The following GABRG3 variants were observed in gnomAD, a reference collection of about 807,000 sequenced individuals.
The protein encoded by GABRG3 is gamma-aminobutyric acid receptor subunit gamma-3.
GABRG3 carries 25 observed loss-of-function variants against 48.8 expected under a neutral mutation model. The observed-to-expected ratio is 0.51, with a 90% CI of 0.37 to 0.72. The LOEUF is 0.72. GABRG3 is among the 30% of genes least tolerant of loss of function. GABRG3 has a pLI of 0.00. For missense variants in GABRG3, 394 were observed against 577.9 expected (o/e 0.68, Z 3.26); for synonymous variants, 227 against 217.6 (o/e 1.04, Z -0.38).
chr15:27,087,824 TGTG>T (rs1313310389), intron 3 of GABRG3, among the ~76,000 whole-genome samples: 1 of 151,506 alleles, frequency 6.6e-6, no homozygotes, highest in Admixed American at 6.6e-5. Context: ...TGTGATTATG[TGTG>T]GTGTGTGTGC....
chr15:27,467,653 AT>A (rs1479644696), intron 5 of GABRG3, among the ~76,000 whole-genome samples: 1 of 152,164 alleles, frequency 6.6e-6, no homozygotes, highest in Non-Finnish European at 1.5e-5. Context: ...CTTTAGTTCT[AT>A]TTTTTATGGA....
intron 3 of GABRG3, among the ~76,000 whole-genome samples, chr15:27,040,827 A>G (rs1487027168): frequency 6.6e-6 from 1 of 152,224 alleles, no homozygotes; most frequent in African/African-American, 2.4e-5. Flanking sequence ...AAGCATTGGA[A>G]AGGAATTTAC....
At chr15:27,206,190 A>G (rs1850937779) in intron 3 of GABRG3, among the ~76,000 whole-genome samples, 1 of 152,180 alleles carries the variant, frequency 6.6e-6, no homozygotes, top group African/African-American at 2.4e-5. Flanking sequence ...GTGCACATTT[A>G]GCACTATAAA....
intron 5 of GABRG3, among the ~76,000 whole-genome samples, chr15:27,347,251 T>C (rs1894405438): frequency 6.6e-6 from 1 of 152,232 alleles, no homozygotes; most frequent in Admixed American, 6.5e-5. Flanking sequence ...TCCCCTTTAC[T>C]ATCCTGGAGC....
chr15:27,103,524 A>G (rs1048585226), intron 3 of GABRG3, among the ~76,000 whole-genome samples: 2 of 152,230 alleles, frequency 1.3e-5, no homozygotes, highest in Non-Finnish European at 2.9e-5. Context: ...CAGAAGCAAC[A>G]GAACCACCTT....
chr15:27,498,819 T>C (rs1291396692), intron 6 of GABRG3, among the ~76,000 whole-genome samples: 1 of 152,148 alleles, frequency 6.6e-6, no homozygotes, highest in African/African-American at 2.4e-5. Context: ...TGTGGGTTCA[T>C]CTTTGACTCC....
intron 3 of GABRG3, among the ~76,000 whole-genome samples, chr15:27,038,442 G>A (rs937383281): frequency 6.6e-6 from 1 of 152,196 alleles, no homozygotes; most frequent in South Asian, 2.1e-4. Context: ...GAGGCTGGGA[G>A]TTTGATGAGT....
intron 5 of GABRG3, among the ~76,000 whole-genome samples, chr15:27,434,028 C>T (rs1210037774): frequency 6.6e-6 from 1 of 152,182 alleles, no homozygotes; most frequent in Non-Finnish European, 1.5e-5. Context: ...CATTAGTTAT[C>T]CATGTCAGCG....
At chr15:27,267,586 C>A (rs1422957516) in intron 3 of GABRG3, among the ~76,000 whole-genome samples, 1 of 152,068 alleles carries the variant, frequency 6.6e-6, no homozygotes, top group Non-Finnish European at 1.5e-5. Flanking sequence ...ACTACAGAGG[C>A]CACCAAGTCC....
At chr15:27,328,447 G>A (rs758481151) in intron 4 of GABRG3, among the ~76,000 whole-genome samples, 3 of 152,342 alleles carry the variant, frequency 2.0e-5, no homozygotes, top group East Asian at 1.9e-4. Flanking sequence ...TAGCTGTTTA[G>A]ATAAACACAC....
At chr15:27,313,264 A>C (rs13329181) in intron 3 of GABRG3, among the ~76,000 whole-genome samples, 1 of 11,154 alleles carries the variant, frequency 9.0e-5, no homozygotes, top group East Asian at 3.0e-3. Flanking sequence ...GTGTGTGTGT[A>C]TATATATATA....
chr15:27,301,305 G>A (rs1892197828), intron 3 of GABRG3, among the ~76,000 whole-genome samples: 1 of 152,022 alleles, frequency 6.6e-6, no homozygotes, highest in Non-Finnish European at 1.5e-5. Flanking sequence ...GCTTTCTAAA[G>A]TCACATTTTG....
At chr15:27,381,446 C>G (rs932086087) in intron 5 of GABRG3, among the ~76,000 whole-genome samples, 1 of 152,188 alleles carries the variant, frequency 6.6e-6, no homozygotes, top group African/African-American at 2.4e-5. Context: ...GACTGGACTC[C>G]TTGGAGTTTT....
chr15:27,389,069 C>T (rs72705709), intron 5 of GABRG3, among the ~76,000 whole-genome samples: 7,013 of 152,216 alleles, frequency 0.046, 263 homozygotes, highest in East Asian at 0.18. Context: ...TCCCACAAAT[C>T]GATACCAACA....
At chr15:27,022,784 A>G (rs1895920035) in intron 2 of GABRG3, among the ~76,000 whole-genome samples, 1 of 152,094 alleles carries the variant, frequency 6.6e-6, no homozygotes, top group African/African-American at 2.4e-5. Flanking sequence ...GCTCATCATG[A>G]TAGTTCAAAT....
intron 3 of GABRG3, among the ~76,000 whole-genome samples, chr15:27,143,617 G>T (rs890191564): frequency 6.6e-6 from 1 of 152,336 alleles, no homozygotes; most frequent in Admixed American, 6.5e-5. Context: ...CATTTGAGAT[G>T]ATGCCGTGGA....
intron 5 of GABRG3, among the ~76,000 whole-genome samples, chr15:27,418,174 C>T (rs374502498): frequency 3.3e-5 from 5 of 152,308 alleles, no homozygotes; most frequent in African/African-American, 9.6e-5. Context: ...GCCTGATGAC[C>T]GGCCAGGGGA....
intron 3 of GABRG3, among the ~76,000 whole-genome samples, chr15:27,147,927 A>G (rs1898239379): frequency 6.6e-6 from 1 of 151,922 alleles, no homozygotes; most frequent in African/African-American, 2.4e-5. Flanking sequence ...GAAGAGGACA[A>G]TAATCCAAAG....
rs1013751849 is a variant in GABRG3 at position 27,310,468 on chromosome 15, A to G, written c.271-16341A>G. Among the ~76,000 whole-genome samples the G allele has an allele frequency of 2.6e-5, 4 of 152,232 alleles. No homozygotes were observed. The South Asian group carries it at 8.3e-4, about 32-fold the overall frequency. On this transcript the variant is annotated intron_variant, in intron 3 of 9. Coordinates refer to ENST00000615808, the MANE Select transcript of GABRG3 (RefSeq NM_033223.5). ...TAACTATAAACCATTAATGAGAGAA[A>G]TTAAAAGAGACCTAAATAAAGGTCA...
Sources: allele counts gnomAD v4.1 joint callset (sites outside exome capture counted in the v4.1 genomes callset), GRCh38; gene constraint gnomAD v4.1.1; transcripts MANE v1.5; gene names NCBI Gene and HGNC (gene_info 2026-07-23, HGNC 2026-07-21).